PPM1H: variants seen among roughly 807,000 people sequenced by gnomAD.
PPM1H encodes protein phosphatase 1H.
In PPM1H, 27 loss-of-function variants were observed where a neutral mutation model predicts 54.9. That is an observed-to-expected ratio of 0.49 (90% CI 0.36 to 0.68). The LOEUF (loss-of-function observed/expected upper bound fraction) is 0.68, where lower values mean the gene tolerates loss of function less well. Ranked by LOEUF, PPM1H falls within the 30% of genes least tolerant of loss-of-function variation. PPM1H has a pLI of 0.00. For synonymous variants in PPM1H, 305 were observed against 270.8 expected (o/e 1.13, Z -1.24); for missense variants, 596 against 667.8 (o/e 0.89, Z 1.19).
intron 1 of PPM1H, among the ~76,000 whole-genome samples, chr12:62,888,996 GGTT>G (rs1870688679): frequency 6.6e-6 from 1 of 152,148 alleles, no homozygotes; most frequent in South Asian, 2.1e-4. Flanking sequence ...CTATGCCCAT[GGTT>G]GTCAAACTAA....
At chr12:62,706,327 C>T (rs2076174057) in intron 6 of PPM1H, among the ~76,000 whole-genome samples, 1 of 152,172 alleles carries the variant, frequency 6.6e-6, no homozygotes, top group Admixed American at 6.5e-5. Flanking sequence ...TTCAGGCCGC[C>T]AAGGCAAGAA....
chr12:62,884,675 A>T (rs1479583281), intron 1 of PPM1H, among the ~76,000 whole-genome samples: 1 of 152,220 alleles, frequency 6.6e-6, no homozygotes, highest in African/African-American at 2.4e-5. Context: ...ACTTTAGTTA[A>T]TAGTAGTTAT....
At chr12:62,823,047 A>C (rs2076914062) in intron 2 of PPM1H, among the ~76,000 whole-genome samples, 3 of 152,204 alleles carry the variant, frequency 2.0e-5, no homozygotes, top group Admixed American at 2.0e-4. Flanking sequence ...ATGCAATAAA[A>C]AATGATAAAG....
intron 6 of PPM1H, among the ~76,000 whole-genome samples, chr12:62,714,829 T>C (rs937398977): frequency 6.6e-6 from 1 of 152,212 alleles, no homozygotes; most frequent in African/African-American, 2.4e-5. Context: ...ACCAGAACCA[T>C]CTGGAAGCAA....
At chr12:62,885,673 T>A (rs1438538696) in intron 1 of PPM1H, among the ~76,000 whole-genome samples, 4 of 152,172 alleles carry the variant, frequency 2.6e-5, no homozygotes, top group Admixed American at 2.0e-4. Context: ...ATTTCTTAGT[T>A]TTGATCATTA....
In PPM1H at chr12:62,655,348, C is replaced by T. The variant is rs112583232; in HGVS notation, c.1398-6712G>A. 7.9e-5 allele frequency among the ~76,000 whole-genome samples: 12 copies of T among 152,244 alleles called. 1 individual carries two copies. Among genetic ancestry groups the T allele is most frequent in the African/African-American group, 2.4e-4 (10 of 41,556 alleles). ...AATCCTTTGCTAGGCTGCTTTATGT[C>T]AAGACTGGGGCAAGAACAAACAAAC... On this transcript the variant is annotated intron_variant, in intron 9 of 9. Coordinates refer to ENST00000228705, the MANE Select transcript of PPM1H (RefSeq NM_020700.2).
At chr12:62,677,782 T>A (rs1473448432) in intron 8 of PPM1H, among the ~76,000 whole-genome samples, 1 of 152,210 alleles carries the variant, frequency 6.6e-6, no homozygotes, top group Non-Finnish European at 1.5e-5. Context: ...GGTTTCCGGC[T>A]GGTGAAGCAA....
chr12:62,844,410 T>A lies in PPM1H; in HGVS notation c.246-12131A>T, dbSNP rs966402874. ...ATCTCTGATGCTGCTTCTTCATTGCTAATCATTTATAGGAAAAAGCAGAAA... is the reference window on the plus strand; with the variant it reads ...ATCTCTGATGCTGCTTCTTCATTGCAAATCATTTATAGGAAAAAGCAGAAA... On this transcript the variant is annotated intron_variant, in intron 1 of 9. Transcript: ENST00000228705. This position sits in a 1 kb window ranked among gnomAD's most constrained non-coding sequence, Gnocchi z 5.2. 6.6e-6 allele frequency among the ~76,000 whole-genome samples: 1 copy of A among 152,188 alleles called. No individual in the cohort carries two copies. Among genetic ancestry groups the A allele is most frequent in the Non-Finnish European group, 1.5e-5 (1 of 68,040 alleles).
chr12:62,770,732 G>A (rs1411502921), intron 4 of PPM1H, among the ~76,000 whole-genome samples: 1 of 152,158 alleles, frequency 6.6e-6, no homozygotes, highest in Admixed American at 6.5e-5. Flanking sequence ...CAAAACAGGA[G>A]TGAAAAGCGA....
intron 2 of PPM1H, among the ~76,000 whole-genome samples, chr12:62,817,116 T>TAAAAAAAAAAAA (rs1189819660): frequency 2.4e-5 from 1 of 41,788 alleles, no homozygotes; most frequent in African/African-American, 8.2e-5. Context: ...ACTGCATTAC[T>TAAAAAAAAAAAA]AAAAAAAAAA....
chr12:62,740,288 GC>G (rs1385226719), intron 4 of PPM1H, among the ~76,000 whole-genome samples: 1 of 151,982 alleles, frequency 6.6e-6, no homozygotes, highest in Non-Finnish European at 1.5e-5. Flanking sequence ...TCAACAAATG[GC>G]CCTTTTGTTG....
At chr12:62,651,014 GGT>G (rs2075813189) in intron 9 of PPM1H, among the ~76,000 whole-genome samples, 1 of 152,176 alleles carries the variant, frequency 6.6e-6, no homozygotes, top group South Asian at 2.1e-4. Flanking sequence ...TTATTATCCT[GGT>G]GATTGATCAG....
At chr12:62,924,925 CG>C (rs1565831093) in intron 1 of PPM1H, among the ~76,000 whole-genome samples, 2 of 152,008 alleles carry the variant, frequency 1.3e-5, no homozygotes, top group African/African-American at 2.4e-5. Flanking sequence ...TGCCTGTGGT[CG>C]CAGCTACTAG....
intron 1 of PPM1H, among the ~76,000 whole-genome samples, chr12:62,923,346 G>A (rs772576): frequency 0.53 from 81,056 of 151,610 alleles, 21,924 homozygotes; most frequent in East Asian, 0.66. Context: ...TCATATGGGT[G>A]TTAAGTCTAC....
At chr12:62,708,711 T>A (rs1465084624) in intron 6 of PPM1H, among the ~76,000 whole-genome samples, 1 of 152,142 alleles carries the variant, frequency 6.6e-6, no homozygotes, top group East Asian at 1.9e-4. Flanking sequence ...TGATAAAAAT[T>A]GTATTTTTAT....
intron 3 of PPM1H, among the ~76,000 whole-genome samples, chr12:62,794,453 A>ATTTCCAATCATT (rs2120724116): frequency 6.6e-6 from 1 of 152,190 alleles, no homozygotes; most frequent in African/African-American, 2.4e-5. Flanking sequence ...CCAATCATTT[A>ATTTCCAATCATT]CCCAGTGATG....
At chr12:62,870,657 T>C (rs1592646040) in intron 1 of PPM1H, among the ~76,000 whole-genome samples, 1 of 152,246 alleles carries the variant, frequency 6.6e-6, no homozygotes, top group East Asian at 1.9e-4. Flanking sequence ...CTTAATGGAT[T>C]AGGAGGGAAT....
intron 6 of PPM1H, among the ~76,000 whole-genome samples, chr12:62,715,700 C>T (rs184952798): frequency 6.2e-4 from 95 of 152,268 alleles, no homozygotes; most frequent in Non-Finnish European, 1.0e-3. Context: ...TGAGTGCCGG[C>T]GTGGTGCTCC....
At chr12:62,770,588 G>T in intron 4 of PPM1H, among the ~76,000 whole-genome samples, 1 of 151,614 alleles carries the variant, frequency 6.6e-6, no homozygotes, top group African/African-American at 2.4e-5. Context: ...AGAAATTGGT[G>T]CAGTCCATTT....
Sources: allele counts gnomAD v4.1 joint callset (sites outside exome capture counted in the v4.1 genomes callset), GRCh38; gene constraint gnomAD v4.1.1; non-coding constraint Gnocchi (gnomAD v3.1); transcripts MANE v1.5; gene names NCBI Gene and HGNC (gene_info 2026-07-23, HGNC 2026-07-21).